PDSS2: variants seen among roughly 807,000 people sequenced by gnomAD.
PDSS2 encodes decaprenyl diphosphate synthase subunit 2, also known as all trans-polyprenyl-diphosphate synthase PDSS2.
PDSS2 carries 31 observed loss-of-function variants against 44.5 expected under a neutral mutation model. The ratio of observed to expected loss-of-function variants is 0.70; its 90% CI spans 0.52 to 0.94. The LOEUF is 0.94. Ranked by LOEUF, PDSS2 falls within the 40% of genes least tolerant of loss-of-function variation. PDSS2 has a pLI of 0.00. For synonymous variants in PDSS2, 157 were observed against 180.3 expected, an observed-to-expected ratio of 0.87 and a Z score of 1.03; for missense variants, 452 against 482.2, an observed-to-expected ratio of 0.94 and a Z score of 0.59.
At chr6:107,369,917 T>C (rs1248180091) in intron 1 of PDSS2, among the ~76,000 whole-genome samples, 3 of 151,912 alleles carry the variant, frequency 2.0e-5, no homozygotes, top group African/African-American at 7.3e-5. Flanking sequence ...GGTGAGAGGA[T>C]CACTCGAGCC....
chr6:107,413,685 G>C (rs116418051), intron 1 of PDSS2, among the ~76,000 whole-genome samples: 47 of 152,300 alleles, frequency 3.1e-4, no homozygotes, highest in African/African-American at 9.1e-4. Context: ...GGCTGATCTT[G>C]AACGCCTGAC....
At chr6:107,458,649 T>A (rs955640870) in intron 1 of PDSS2, among the ~76,000 whole-genome samples, 7 of 143,310 alleles carry the variant, frequency 4.9e-5, no homozygotes, top group Admixed American at 4.8e-4. Context: ...TCTATCCCAT[T>A]AAAAAAAAAA....
rs114718753 is a variant in PDSS2 at position 107,239,590 on chromosome 6, C to T, written c.702+5958G>A. On this transcript the variant is annotated intron_variant, in intron 4 of 7. Transcript: ENST00000369037. Reference sequence around the variant, plus strand: ...AAAATAATTTTTATTTTCCTCTTGACCTTTTTCTGTTTTCAATTATTATTT... The same window carrying T: ...AAAATAATTTTTATTTTCCTCTTGATCTTTTTCTGTTTTCAATTATTATTT... Among the ~76,000 whole-genome samples, 402 of 149,984 alleles carry T rather than the reference C, an allele frequency of 2.7e-3. 2 individuals are homozygous for T. Among genetic ancestry groups the T allele is most frequent in the African/African-American group, 8.8e-3 (358 of 40,856 alleles).
At chr6:107,285,191 C>G (rs947324403) in intron 2 of PDSS2, among the ~76,000 whole-genome samples, 1 of 152,082 alleles carries the variant, frequency 6.6e-6, no homozygotes, top group African/African-American at 2.4e-5. Context: ...AGTCATTTTA[C>G]TTGAATCCTA....
chr6:107,189,207 C>T (rs375094787), intron 7 of PDSS2, among the ~76,000 whole-genome samples: 1 of 152,158 alleles, frequency 6.6e-6, no homozygotes. Flanking sequence ...ACCAACATAT[C>T]TGGCTAATTT....
intron 3 of PDSS2, among the ~76,000 whole-genome samples, chr6:107,265,260 G>C (rs776815956): frequency 3.9e-5 from 6 of 152,114 alleles, no homozygotes; most frequent in Non-Finnish European, 7.4e-5. Context: ...AAACAGCTCT[G>C]AATTTCATTT....
At chr6:107,420,260 T>C (rs1583061955) in intron 1 of PDSS2, among the ~76,000 whole-genome samples, 1 of 152,332 alleles carries the variant, frequency 6.6e-6, no homozygotes, top group East Asian at 1.9e-4. Context: ...TCCAATAAAG[T>C]ACCGTCACCT....
chr6:107,262,495 G>C (rs1775272755), intron 3 of PDSS2, among the ~76,000 whole-genome samples: 1 of 152,066 alleles, frequency 6.6e-6, no homozygotes, highest in African/African-American at 2.4e-5. Context: ...AATTGGGCCA[G>C]GCAAGGTGGC....
chr6:107,287,173 A>T (rs1393165096), intron 2 of PDSS2, among the ~76,000 whole-genome samples: 1 of 152,242 alleles, frequency 6.6e-6, no homozygotes, highest in Non-Finnish European at 1.5e-5. Context: ...GGGGTCTCAC[A>T]CTGATGCCCC....
chr6:107,313,235 G>A (rs912105022), intron 2 of PDSS2, among the ~76,000 whole-genome samples: 1 of 152,078 alleles, frequency 6.6e-6, no homozygotes, highest in African/African-American at 2.4e-5. Flanking sequence ...ATACTTCCTT[G>A]TTCAGAAGTT....
At chr6:107,323,789 T>C (rs1264539665) in intron 2 of PDSS2, among the ~76,000 whole-genome samples, 1 of 152,228 alleles carries the variant, frequency 6.6e-6, no homozygotes, top group South Asian at 2.1e-4. Flanking sequence ...CTTTGGCTAC[T>C]TACCAGTCAA....
In PDSS2 at chr6:107,154,558, C is replaced by CA; in HGVS notation, c.*60dup. The CA allele has an allele frequency of 6.6e-7, 1 of 1,520,010 alleles. No homozygotes were observed. The highest frequency in any genetic ancestry group is 9.1e-7 in the Non-Finnish European group (1 of 1,094,918). 94.2% of individuals were successfully genotyped at this position (1,520,010 alleles called of 1,614,324 possible). On this transcript the variant is annotated 3_prime_UTR_variant, in exon 8 of 8. Coordinates refer to ENST00000369037, the MANE Select transcript of PDSS2 (RefSeq NM_020381.4). ...CATTAACGCATCGTGAAAGCGCTCC[C>CA]AATCAACCTCATTCCCTAGGATTTT...
chr6:107,449,302 A>C (rs1781790006), intron 1 of PDSS2, among the ~76,000 whole-genome samples: 1 of 152,204 alleles, frequency 6.6e-6, no homozygotes, highest in East Asian at 1.9e-4. Flanking sequence ...ATTGGGTAAA[A>C]TTTACATAAA....
At chr6:107,347,356 C>A (rs75454277) in intron 1 of PDSS2, among the ~76,000 whole-genome samples, 9,742 of 146,200 alleles carry the variant, frequency 0.067, 415 homozygotes, top group Middle Eastern at 0.17. Flanking sequence ...CGGGTTCAAG[C>A]GATTCTCCCG....
At chr6:107,161,340 C>T (rs905474345) in intron 7 of PDSS2, among the ~76,000 whole-genome samples, 5 of 151,996 alleles carry the variant, frequency 3.3e-5, no homozygotes, top group African/African-American at 9.6e-5. Flanking sequence ...ATTAGCCAGG[C>T]GTGGTGCCGG....
chr6:107,157,678 G>GT (rs1319626221), intron 7 of PDSS2, among the ~76,000 whole-genome samples: 154 of 142,362 alleles, frequency 1.1e-3, no homozygotes, highest in African/African-American at 2.0e-3. Flanking sequence ...TAGCGTTTTT[G>GT]TTTTTTTTTT....
intron 7 of PDSS2, among the ~76,000 whole-genome samples, chr6:107,191,592 C>T (rs1050489650): frequency 2.6e-5 from 4 of 152,062 alleles, no homozygotes; most frequent in Admixed American, 6.6e-5. Flanking sequence ...TGGGTGATAA[C>T]GACGCACCAA....
chr6:107,204,436 T>C (rs1044070885), intron 6 of PDSS2, among the ~76,000 whole-genome samples: 1 of 152,190 alleles, frequency 6.6e-6, no homozygotes, highest in African/African-American at 2.4e-5. Context: ...GTACATATTT[T>C]TACATAAACC....
At chr6:107,229,972 G>T in intron 4 of PDSS2, 1 of 214,482 alleles carries the variant, frequency 4.7e-6, no homozygotes, top group Non-Finnish European at 9.9e-6. Context: ...AACTGGCTTT[G>T]GCATGATGTA....
Sources: allele counts gnomAD v4.1 joint callset (sites outside exome capture counted in the v4.1 genomes callset), GRCh38; gene constraint gnomAD v4.1.1; transcripts MANE v1.5; gene names NCBI Gene and HGNC (gene_info 2026-07-23, HGNC 2026-07-21).